ADGRB3: variants seen among roughly 807,000 people sequenced by gnomAD.
ADGRB3 encodes the protein adhesion G protein-coupled receptor B3, also known as brain-specific angiogenesis inhibitor 3.
Under a neutral mutation model 193.4 loss-of-function variants are expected in ADGRB3, and 37 were observed. The ratio of observed to expected loss-of-function variants is 0.19; its 90% CI spans 0.15 to 0.25. The LOEUF (loss-of-function observed/expected upper bound fraction) is 0.25, where lower values mean the gene tolerates loss of function less well. Ranked by LOEUF, ADGRB3 falls within the 10% of genes least tolerant of loss-of-function variation. The pLI, the probability that ADGRB3 is intolerant of heterozygous loss-of-function variation, is 1.00. For synonymous variants in ADGRB3, 690 were observed against 644.2 expected, an observed-to-expected ratio of 1.07 and a Z score of -1.08; for missense variants, 1,637 against 1,852.9, an observed-to-expected ratio of 0.88 and a Z score of 2.14.
Position 68,800,598 on chromosome 6 carries a change from G to A in ADGRB3, c.758-129961G>A, listed in dbSNP as rs183626379. 2.6e-5 allele frequency among the ~76,000 whole-genome samples: 4 copies of A among 152,294 alleles called. No homozygotes were observed. The East Asian group carries it at 5.8e-4, about 22-fold the overall frequency. Reference sequence around the variant, plus strand: ...AGGAGAAGGGGAATAAACTGGAAGAGATTGCAGGGGAAATCCTATCTGTGA... The same window carrying A: ...AGGAGAAGGGGAATAAACTGGAAGAAATTGCAGGGGAAATCCTATCTGTGA... On this transcript the variant is annotated intron_variant, in intron 3 of 31. Transcript: ENST00000370598.
chr6:68,756,614 C>T (rs886320551), intron 3 of ADGRB3, among the ~76,000 whole-genome samples: 3 of 152,030 alleles, frequency 2.0e-5, no homozygotes, highest in Non-Finnish European at 4.4e-5. Context: ...AAAAATGACG[C>T]GGGGCATGCC....
At chr6:68,971,049 C>A (rs1768553147) in intron 8 of ADGRB3, among the ~76,000 whole-genome samples, 1 of 152,154 alleles carries the variant, frequency 6.6e-6, no homozygotes, top group Admixed American at 6.5e-5. Context: ...TAAAAAATGC[C>A]ACTCAGAAAC....
chr6:69,248,872 G>C (rs1766553098), intron 20 of ADGRB3, among the ~76,000 whole-genome samples: 1 of 152,204 alleles, frequency 6.6e-6, no homozygotes, highest in Admixed American at 6.5e-5. Flanking sequence ...TCTACCCAAG[G>C]GTTAGCCTGT....
intron 3 of ADGRB3, among the ~76,000 whole-genome samples, chr6:68,704,820 T>C (rs1353542525): frequency 6.6e-6 from 1 of 152,178 alleles, no homozygotes; most frequent in African/African-American, 2.4e-5. Flanking sequence ...TATAGTTTTG[T>C]GTCAAATCTA....
At chr6:68,643,383 C>T (rs1768126328) in intron 3 of ADGRB3, among the ~76,000 whole-genome samples, 1 of 150,120 alleles carries the variant, frequency 6.7e-6, no homozygotes. Flanking sequence ...TTCTGTTTGC[C>T]CTCAGATAAC....
chr6:69,045,819 C>T (rs552426516), intron 13 of ADGRB3, among the ~76,000 whole-genome samples: 16 of 152,064 alleles, frequency 1.1e-4, no homozygotes, highest in Non-Finnish European at 2.1e-4. Context: ...TTGTGCACTT[C>T]TCACACTGAA....
chr6:69,101,979 G>A (rs924769827), intron 17 of ADGRB3, among the ~76,000 whole-genome samples: 3 of 151,914 alleles, frequency 2.0e-5, no homozygotes, highest in Admixed American at 2.0e-4. Flanking sequence ...CACGAGGTCA[G>A]GAGATCAAGA....
intron 3 of ADGRB3, among the ~76,000 whole-genome samples, chr6:68,727,915 C>T (rs932798116): frequency 4.6e-5 from 7 of 151,514 alleles, no homozygotes. Context: ...AATTGAACTC[C>T]TTCACCAGAG....
chr6:68,671,420 G>C (rs910571171), intron 3 of ADGRB3, among the ~76,000 whole-genome samples: 1 of 151,866 alleles, frequency 6.6e-6, no homozygotes, highest in Non-Finnish European at 1.5e-5. Context: ...CTGTGTTAAG[G>C]CATATTCCTT....
At chr6:69,058,995 C>G (rs978629369) in intron 15 of ADGRB3, among the ~76,000 whole-genome samples, 3 of 151,820 alleles carry the variant, frequency 2.0e-5, no homozygotes, top group African/African-American at 7.3e-5. Context: ...CATCTGTTTT[C>G]TTATTAATTT....
At chr6:68,917,399 A>G (rs1766911792) in intron 3 of ADGRB3, among the ~76,000 whole-genome samples, 1 of 152,218 alleles carries the variant, frequency 6.6e-6, no homozygotes, top group African/African-American at 2.4e-5. Flanking sequence ...CTTATAAACA[A>G]TATAGTTGCC....
In ADGRB3 at chr6:68,638,760, T is replaced by C; in HGVS notation, c.85T>C (p.Trp29Arg). Residue 29 changes from tryptophan (W) to arginine (R), a missense_variant, in exon 3 of 32, where the codon TGG becomes CGG. Trp to Arg is a moderately radical substitution (Grantham distance 101). Coordinates refer to ENST00000370598, the MANE Select transcript of ADGRB3 (RefSeq NM_001704.3). ...MFGFNAAQDF[W>R]CSTLVKGVIY... ...TGGATTTAATGCTGCCCAAGACTTCTGGTGTTCAACTTTGGTGAAGGGAGT... is the reference window on the plus strand; with the variant it reads ...TGGATTTAATGCTGCCCAAGACTTCCGGTGTTCAACTTTGGTGAAGGGAGT... 6.2e-7 allele frequency: 1 copy of C among 1,614,190 alleles called. No individual in the cohort carries two copies. The highest frequency in any genetic ancestry group is 8.5e-7 in the Non-Finnish European group (1 of 1,180,014).
At chr6:69,093,349 A>T (rs1772770740) in intron 17 of ADGRB3, among the ~76,000 whole-genome samples, 1 of 151,252 alleles carries the variant, frequency 6.6e-6, no homozygotes, top group African/African-American at 2.4e-5. Flanking sequence ...TGTGTTTTCT[A>T]GGTTCCAGAG....
chr6:69,164,302 G>A (rs1775076898), intron 17 of ADGRB3, among the ~76,000 whole-genome samples: 2 of 151,694 alleles, frequency 1.3e-5, no homozygotes, highest in South Asian at 4.1e-4. Flanking sequence ...CTGAATGAAG[G>A]GAGACAGGAA....
chr6:68,831,648 AG>A (rs1334778510), intron 3 of ADGRB3, among the ~76,000 whole-genome samples: 1 of 152,160 alleles, frequency 6.6e-6, no homozygotes, highest in East Asian at 1.9e-4. Context: ...TGAGGTTGCC[AG>A]GAGAGGTAGT....
chr6:69,257,936 C>T (rs1170859445), intron 20 of ADGRB3, among the ~76,000 whole-genome samples: 3 of 152,120 alleles, frequency 2.0e-5, no homozygotes, highest in Non-Finnish European at 2.9e-5. Context: ...TTTGTAGAAA[C>T]GTGGTTGTTA....
At chr6:69,332,753 T>C in intron 23 of ADGRB3, 170 bp from the exon 24 acceptor site, 1 of 985,446 alleles carries the variant, frequency 1.0e-6, no homozygotes, top group Non-Finnish European at 1.2e-6. Flanking sequence ...AGCACACCAC[T>C]GTTAAATTGT....
chr6:68,718,932 T>A (rs548427699), intron 3 of ADGRB3, among the ~76,000 whole-genome samples: 15 of 151,890 alleles, frequency 9.9e-5, no homozygotes, highest in Admixed American at 2.6e-4. Flanking sequence ...TGAGTAGTGA[T>A]GACAGGGACA....
chr6:69,251,677 C>T lies in ADGRB3; in HGVS notation c.2814+12451C>T, dbSNP rs1039545855. On this transcript the variant is annotated intron_variant, in intron 20 of 31. Transcript: ENST00000370598. ...AACAAAAAAATGCACATATTTCAGA[C>T]ATACAACATAGTGTTTTGATATAAG... Among the ~76,000 whole-genome samples the T allele has an allele frequency of 2.6e-5, 4 of 152,148 alleles. No homozygotes were observed. In the South Asian group the frequency reaches 8.3e-4, roughly 32 times the overall value.
Sources: allele counts gnomAD v4.1 joint callset (sites outside exome capture counted in the v4.1 genomes callset), GRCh38; gene constraint gnomAD v4.1.1; transcripts MANE v1.5; gene names NCBI Gene and HGNC (gene_info 2026-07-23, HGNC 2026-07-21).